DHX9: variants seen among roughly 807,000 people sequenced by gnomAD.
DHX9 encodes DExH-box helicase 9.
In DHX9, 27 loss-of-function variants were observed where a neutral mutation model predicts 148.7. The ratio of observed to expected loss-of-function variants is 0.18; its 90% CI spans 0.13 to 0.25. DHX9 has a LOEUF of 0.25. Among genes scored for constraint, DHX9 ranks in the 10% least tolerant of loss-of-function variants. The probability of loss-of-function intolerance (pLI) is 1.00; values close to 1 mark genes in which losing one functional copy is unlikely to be tolerated. For synonymous variants in DHX9, 529 were observed against 516.6 expected, an observed-to-expected ratio of 1.02 and a Z score of -0.33; for missense variants, 796 against 1,559.6, an observed-to-expected ratio of 0.51 and a Z score of 8.25.
intron 3 of DHX9, 121 bp downstream of exon 3, chr1:182,843,555 A>G (rs1354328952): frequency 1.9e-6 from 2 of 1,073,528 alleles, no homozygotes; most frequent in Non-Finnish European, 2.5e-6. Context: ...TTCGTAATGA[A>G]ATTTGGCATC....
chr1:182,859,230 A>T, intron 11 of DHX9, 113 bp downstream of exon 11: 1 of 856,724 alleles, frequency 1.2e-6, no homozygotes, highest in South Asian at 1.6e-5. Context: ...ATATCAAAAG[A>T]TATGTACCAA....
chr1:182,871,999 T>G (rs748259956), intron 14 of DHX9, among the ~76,000 whole-genome samples: 13 of 152,060 alleles, frequency 8.5e-5, no homozygotes, highest in Admixed American at 2.0e-4. Flanking sequence ...CGAGACAGGA[T>G]TTCTCCATGT....
At position 182,883,501 on chromosome 1, in the gene DHX9, T is replaced by A. The variant is rs1649179896; in HGVS notation, c.3145-19T>A. The A allele has an allele frequency of 6.2e-7, 1 of 1,607,524 alleles. No homozygotes were observed. The highest frequency in any genetic ancestry group is 8.5e-7 in the Non-Finnish European group (1 of 1,174,364). On this transcript the variant is annotated intron_variant, in intron 25 of 27. Coordinates refer to ENST00000367549, the MANE Select transcript of DHX9 (RefSeq NM_001357.5). ...TTGGAATGTCAACCATTTTGTATTG[T>A]CTCTTTCTCCATTTGCAGATTCGAA...
At chr1:182,867,581 T>C (rs2102608265) in intron 14 of DHX9, among the ~76,000 whole-genome samples, 1 of 152,296 alleles carries the variant, frequency 6.6e-6, no homozygotes, top group Middle Eastern at 3.4e-3. Flanking sequence ...TTTTGTATTT[T>C]CAGTAAAGAC....
At position 182,887,307 on chromosome 1, in the gene DHX9, A is replaced by G. The variant is rs1289324949; in HGVS notation, c.3686A>G (p.Asn1229Ser). 4.3e-6 allele frequency: 7 copies of G among 1,613,992 alleles called. No individual in the cohort carries two copies. The highest frequency in any genetic ancestry group is 5.9e-6 in the Non-Finnish European group (7 of 1,179,998). Residue 1229 changes from asparagine to serine, a missense_variant, in exon 28 of 28, where the codon AAC (asparagine) becomes AGC (serine). By Grantham distance (46) the Asn-to-Ser change is conservative. This residue lies in a region of DHX9 where 98 missense variants were observed against 105.5 expected (regional missense o/e 0.93). Transcript: ENST00000367549. ...GTTTCCCGAGGTGGCTTTAGAGGCA[A>G]CTCTGGAGGAGACTACAGAGGGCCT... ...RGVSRGGFRG[N>S]SGGDYRGPSG...
Position 182,872,378 on chromosome 1 carries a change from T to C in DHX9, c.1599T>C (p.Ala533=), listed in dbSNP as rs746875270. 12 of 1,613,910 alleles carry C rather than the reference T, an allele frequency of 7.4e-6. No individual in the cohort carries two copies. In the South Asian group the frequency reaches 1.3e-4, roughly 18 times the overall value. Residue 533 remains alanine, a synonymous_variant, in exon 15 of 28, where the codon GCT becomes GCC. Coordinates refer to ENST00000367549, the MANE Select transcript of DHX9 (RefSeq NM_001357.5). ...TAGTACTGCGTGATGTTGTTCAGGCTTATCCTGAAGTTCGCATTGTTCTTA... is the reference window on the plus strand; with the variant it reads ...TAGTACTGCGTGATGTTGTTCAGGCCTATCCTGAAGTTCGCATTGTTCTTA... ...LLVVLRDVVQ[A]YPEVRIVLMS...
At chr1:182,841,417 T>C (rs1667927451) in intron 1 of DHX9, among the ~76,000 whole-genome samples, 1 of 152,252 alleles carries the variant, frequency 6.6e-6, no homozygotes, top group Non-Finnish European at 1.5e-5. Context: ...AGTATAGTCC[T>C]TCGTATTTCA....
In DHX9 at chr1:182,868,520, C is replaced by CTTTTTTTTTTTTTTTTTTTTTT. The variant is rs59218081; in HGVS notation, c.1557+1491_1557+1492insTTTTTTTTTTTTTTTTTTTTTT. 7.5e-4 allele frequency among the ~76,000 whole-genome samples: 96 copies of CTTTTTTTTTTTTTTTTTTTTTT among 127,502 alleles called. 9 individuals are homozygous for CTTTTTTTTTTTTTTTTTTTTTT. The highest frequency in any genetic ancestry group is 3.0e-3 in the African/African-American group (84 of 27,856). 83.6% of individuals were successfully genotyped at this position (127,502 alleles called of 152,430 possible). ...GATAATCTAACACTTATTTTAATTC[C>CTTTTTTTTTTTTTTTTTTTTTT]TTTTTTTTTTTTTTGAGGAGTCTTG... On this transcript the variant is annotated intron_variant, in intron 14 of 27. Coordinates refer to ENST00000367549, the MANE Select transcript of DHX9 (RefSeq NM_001357.5).
intron 21 of DHX9, among the ~76,000 whole-genome samples, chr1:182,879,970 C>T (rs1335428043): frequency 1.3e-5 from 2 of 152,162 alleles, no homozygotes; most frequent in African/African-American, 4.8e-5. Context: ...GTGATCCACT[C>T]ACCTCAGCCT....
intron 6 of DHX9, among the ~76,000 whole-genome samples, chr1:182,855,213 GT>G: frequency 6.6e-6 from 1 of 152,214 alleles, no homozygotes; most frequent in South Asian, 2.1e-4. Flanking sequence ...TTGATGATTT[GT>G]TTTCTTTCAT....
At chr1:182,876,739 T>G in intron 18 of DHX9, 91 bp from the exon 19 acceptor site, 1 of 1,036,056 alleles carries the variant, frequency 9.7e-7, no homozygotes, top group Non-Finnish European at 1.4e-6. Context: ...TTCTGTAATT[T>G]TCTTGTCATT....
chr1:182,877,726 T>G (rs1648876707), intron 19 of DHX9: 1 of 287,310 alleles, frequency 3.5e-6, no homozygotes, highest in African/African-American at 2.2e-5. Context: ...TGCTTTGCAT[T>G]TGTTAATTTA....
intron 24 of DHX9, 135 bp from the exon 25 acceptor site, chr1:182,883,004 G>T: frequency 1.6e-6 from 1 of 637,710 alleles, no homozygotes; most frequent in South Asian, 1.9e-5. Flanking sequence ...ATTCTGAGAA[G>T]AGAAAGTTTT....
At chr1:182,878,271 T>G in intron 20 of DHX9, 98 bp downstream of exon 20, 1 of 1,363,242 alleles carries the variant, frequency 7.3e-7, no homozygotes, top group Non-Finnish European at 1.0e-6. Context: ...TAAGCTGATC[T>G]AAGTCTTGCC....
chr1:182,848,577 T>C lies in DHX9; in HGVS notation c.253-3656T>C, dbSNP rs1262827007. Among the ~76,000 whole-genome samples the C allele has an allele frequency of 2.0e-5, 3 of 152,204 alleles. No individual in the cohort carries two copies. The East Asian group carries it at 5.8e-4, about 29-fold the overall frequency. ...GTCTATAGCAGATACTTAAATGTTTTTTGGTTGACTGAGTAAATGAATGGA... is the reference window on the plus strand; with the variant it reads ...GTCTATAGCAGATACTTAAATGTTTCTTGGTTGACTGAGTAAATGAATGGA... On this transcript the variant is annotated intron_variant, in intron 3 of 27. Transcript: ENST00000367549.
At chr1:182,881,970 AC>A (rs1270986989) in intron 24 of DHX9, among the ~76,000 whole-genome samples, 19 of 152,180 alleles carry the variant, frequency 1.2e-4, no homozygotes, top group South Asian at 1.2e-3. Context: ...AAAAAAACCA[AC>A]CCATGTTTCT....
At chr1:182,875,919 T>G (rs938826579) in intron 16 of DHX9, 131 bp from the exon 17 acceptor site, 1 of 709,728 alleles carries the variant, frequency 1.4e-6, no homozygotes. Flanking sequence ...TTCTGTATTC[T>G]ATAGTGTGTG....
intron 12 of DHX9, among the ~76,000 whole-genome samples, chr1:182,861,537 A>G (rs1433156515): frequency 1.3e-5 from 2 of 152,142 alleles, no homozygotes; most frequent in African/African-American, 4.8e-5. Flanking sequence ...CCCTTCTACC[A>G]CTATCCATTT....
chr1:182,857,655 A>G (rs115544365), intron 7 of DHX9, among the ~76,000 whole-genome samples: 5,249 of 152,312 alleles, frequency 0.034, 216 homozygotes, highest in African/African-American at 0.094. Context: ...ACAAGATACT[A>G]TATGGCCTGC....
Sources: gnomAD v4.1 joint callset for allele counts (sites outside exome capture counted in the v4.1 genomes callset) on GRCh38, gnomAD v4.1.1 for gene constraint, gnomAD v4.1.1 regional missense constraint, MANE v1.5 for transcripts, NCBI Gene and HGNC (gene_info 2026-07-23, HGNC 2026-07-21) for gene names.